The following GRID1 variants were observed in gnomAD, a reference collection of about 807,000 sequenced individuals.
GRID1 encodes the protein glutamate ionotropic receptor delta type subunit 1, also known as glutamate receptor ionotropic, delta-1.
In GRID1, 28 loss-of-function variants were observed where a neutral mutation model predicts 98.0. That is an observed-to-expected ratio of 0.29 (90% CI 0.21 to 0.39). GRID1 has a LOEUF of 0.39. GRID1 is among the 10% of genes least tolerant of loss of function. The pLI is 1.00. For missense variants in GRID1, 1,111 were observed against 1,340.5 expected (o/e 0.83, Z 2.67); for synonymous variants, 553 against 538.5 (o/e 1.03, Z -0.37).
At chr10:85,945,431 C>G (rs935099291) in intron 4 of GRID1, among the ~76,000 whole-genome samples, 6 of 114,478 alleles carry the variant, frequency 5.2e-5, no homozygotes, top group African/African-American at 2.0e-4. Flanking sequence ...TATTTCAATA[C>G]TTGATTTTAA....
intron 8 of GRID1, among the ~76,000 whole-genome samples, chr10:85,801,918 G>A (rs1340536242): frequency 6.6e-6 from 1 of 151,940 alleles, no homozygotes; most frequent in Non-Finnish European, 1.5e-5. Context: ...TTAGCTATAA[G>A]AGATGAATTT....
chr10:86,093,988 T>TA (rs567741129), intron 4 of GRID1, among the ~76,000 whole-genome samples: 11 of 152,202 alleles, frequency 7.2e-5, no homozygotes, highest in Non-Finnish European at 1.6e-4. Context: ...ATCAAAAAGA[T>TA]AATCCACCAT....
chr10:86,023,130 T>C (rs943923497), intron 4 of GRID1, among the ~76,000 whole-genome samples: 2 of 152,068 alleles, frequency 1.3e-5, no homozygotes, highest in African/African-American at 4.8e-5. Context: ...CCTGCCACTC[T>C]GTCCTCAGGG....
intron 4 of GRID1, among the ~76,000 whole-genome samples, chr10:86,105,932 G>A (rs1000544045): frequency 1.3e-5 from 2 of 152,144 alleles, no homozygotes; most frequent in African/African-American, 4.8e-5. Flanking sequence ...ATGCAAGGGG[G>A]ACAAGAGGAT....
chr10:85,812,339 A>T (rs1842679293), intron 8 of GRID1, among the ~76,000 whole-genome samples: 1 of 152,152 alleles, frequency 6.6e-6, no homozygotes, highest in South Asian at 2.1e-4. Flanking sequence ...ATAAGATTAC[A>T]TACATAAAGT....
rs533949393 is a variant in GRID1, at chr10:85,877,155, C to T, written c.781-7975G>A. ...ACAGCTCAGGGAGGCCTGCCTGCCTCTGTAGGCTCCACCTCTGGGGGCAGG... is the reference window on the plus strand; with the variant it reads ...ACAGCTCAGGGAGGCCTGCCTGCCTTTGTAGGCTCCACCTCTGGGGGCAGG... On this transcript the variant is annotated intron_variant, in intron 5 of 15. Transcript: ENST00000327946. Among the ~76,000 whole-genome samples the T allele has an allele frequency of 9.2e-3, 1,397 of 152,358 alleles. 23 individuals carry two copies. The highest frequency in any genetic ancestry group is 0.032 in the African/African-American group (1,317 of 41,582).
intron 2 of GRID1, among the ~76,000 whole-genome samples, chr10:86,242,770 G>T (rs1846658893): frequency 6.6e-6 from 1 of 152,170 alleles, no homozygotes; most frequent in Non-Finnish European, 1.5e-5. Flanking sequence ...CTGGTGCTTT[G>T]CATGGTGACC....
intron 2 of GRID1, among the ~76,000 whole-genome samples, chr10:86,207,238 C>T (rs927016148): frequency 6.6e-6 from 1 of 152,212 alleles, no homozygotes; most frequent in Non-Finnish European, 1.5e-5. Flanking sequence ...GGTCTTCTGG[C>T]CAAATCCAAG....
Position 86,195,057 on chromosome 10 carries a change from C to T in GRID1, c.520+11307G>A, listed in dbSNP as rs1416975528. ...CCGTGGGCAGCAAGGAGTGCCAGAA[C>T]GCACAACCCTTGCTATGACCCGCTT... On this transcript the variant is annotated intron_variant, in intron 3 of 15. Coordinates refer to ENST00000327946, the MANE Select transcript of GRID1 (RefSeq NM_017551.3). The surrounding 1 kb of genome is among the most constrained non-coding windows in gnomAD (Gnocchi z 4.4). Among the ~76,000 whole-genome samples, 4 of 152,212 alleles carry T rather than the reference C, an allele frequency of 2.6e-5. No homozygotes were observed. Among genetic ancestry groups the T allele is most frequent in the East Asian group, 1.9e-4 (1 of 5,190 alleles).
chr10:85,604,427 G>A (rs181101201), intron 15 of GRID1, among the ~76,000 whole-genome samples: 93 of 152,274 alleles, frequency 6.1e-4, no homozygotes, highest in African/African-American at 2.2e-3. Flanking sequence ...AATGACATCA[G>A]AAACCATTGG....
chr10:85,740,996 C>T (rs145546380), intron 8 of GRID1, among the ~76,000 whole-genome samples: 108 of 152,240 alleles, frequency 7.1e-4, no homozygotes, highest in African/African-American at 2.6e-3. Flanking sequence ...CCAGGTGATC[C>T]ACCCACCTCA....
intron 15 of GRID1, among the ~76,000 whole-genome samples, chr10:85,602,934 G>A (rs985438094): frequency 7.9e-5 from 12 of 152,268 alleles, no homozygotes; most frequent in African/African-American, 2.9e-4. Context: ...CCATCAACAG[G>A]CCTTGGCTGC....
intron 2 of GRID1, among the ~76,000 whole-genome samples, chr10:86,338,884 G>A (rs1848269261): frequency 1.3e-5 from 2 of 151,982 alleles, no homozygotes; most frequent in Admixed American, 6.6e-5. Flanking sequence ...CAAATACCCT[G>A]GGTATTTAAT....
In GRID1 at chr10:85,646,962, G is replaced by T. The variant is rs1172057486; in HGVS notation, c.2193+240C>A. On this transcript the variant is annotated intron_variant, in intron 13 of 15. Coordinates refer to ENST00000327946, the MANE Select transcript of GRID1 (RefSeq NM_017551.3). ...AGCCCATGAGGAGGGTGGGCCAAAA[G>T]TCAGGCTTAATCTGCCTGCTCCTCC... 4 of 548,270 alleles carry T rather than the reference G, an allele frequency of 7.3e-6. No homozygotes were observed. In the East Asian group the frequency reaches 9.2e-5, roughly 13 times the overall value. The allele number at this position is 548,270 out of a possible 1,614,324, so 34.0% of individuals were successfully genotyped here.
At chr10:85,822,303 C>T (rs61855969) in intron 8 of GRID1, among the ~76,000 whole-genome samples, 44 of 151,994 alleles carry the variant, frequency 2.9e-4, no homozygotes, top group Non-Finnish European at 5.0e-4. Context: ...CAAAGGGCTA[C>T]TATCCAGAAT....
At chr10:85,871,205 G>A (rs776401264) in intron 5 of GRID1, among the ~76,000 whole-genome samples, 13 of 152,160 alleles carry the variant, frequency 8.5e-5, no homozygotes, top group East Asian at 1.9e-4. Flanking sequence ...GAATGCTCAC[G>A]TTAGCCTACA....
intron 6 of GRID1, among the ~76,000 whole-genome samples, chr10:85,864,172 G>A (rs75625857): frequency 0.047 from 7,230 of 152,296 alleles, 251 homozygotes; most frequent in Non-Finnish European, 0.071. Flanking sequence ...AGTTAGACAA[G>A]CAGCTGACAG....
At chr10:86,280,398 A>T (rs190125808) in intron 2 of GRID1, among the ~76,000 whole-genome samples, 1 of 152,014 alleles carries the variant, frequency 6.6e-6, no homozygotes, top group Non-Finnish European at 1.5e-5. Flanking sequence ...CTTGTTCTTC[A>T]TTTCAGGAGC....
At chr10:86,295,894 A>G (rs1847581867) in intron 2 of GRID1, among the ~76,000 whole-genome samples, 1 of 152,222 alleles carries the variant, frequency 6.6e-6, no homozygotes, top group African/African-American at 2.4e-5. Flanking sequence ...GCTCACCTGC[A>G]CTGTGGAGGG....
Sources: allele counts gnomAD v4.1 joint callset (sites outside exome capture counted in the v4.1 genomes callset), GRCh38; gene constraint gnomAD v4.1.1; non-coding constraint Gnocchi (gnomAD v3.1); transcripts MANE v1.5; gene names NCBI Gene and HGNC (gene_info 2026-07-23, HGNC 2026-07-21).